The following SYT17 variants were observed in gnomAD, a reference collection of about 807,000 sequenced individuals.
The protein encoded by SYT17 is synaptotagmin 17.
A neutral mutation model predicts 46.7 loss-of-function variants in SYT17; 22 were observed. The ratio of observed to expected loss-of-function variants is 0.47; its 90% CI spans 0.34 to 0.67. The LOEUF (loss-of-function observed/expected upper bound fraction) is 0.67, where lower values mean the gene tolerates loss of function less well. Among genes scored for constraint, SYT17 ranks in the 30% least tolerant of loss-of-function variants. The probability of loss-of-function intolerance (pLI) is 0.01; values close to 1 mark genes in which losing one functional copy is unlikely to be tolerated. For missense variants in SYT17, 519 were observed against 612.8 expected (o/e 0.85, Z 1.62); for synonymous variants, 251 against 248.4 (o/e 1.01, Z -0.10).
At chr16:19,187,982 G>A (rs532151909) in intron 5 of SYT17, among the ~76,000 whole-genome samples, 1 of 152,140 alleles carries the variant, frequency 6.6e-6, no homozygotes, top group Non-Finnish European at 1.5e-5. Context: ...CTCATTACTG[G>A]GCATATACCC....
At chr16:19,249,871 C>A in intron 7 of SYT17, 2 of 1,485,666 alleles carry the variant, frequency 1.3e-6, no homozygotes, top group Non-Finnish European at 1.8e-6. Context: ...TCCATACTTT[C>A]ATCCAGGTCG....
intron 5 of SYT17, among the ~76,000 whole-genome samples, chr16:19,213,672 G>A (rs1203289107): frequency 1.3e-5 from 2 of 152,114 alleles, no homozygotes; most frequent in African/African-American, 4.8e-5. Context: ...ACCATGCTAA[G>A]CTAATTAAAA....
intron 5 of SYT17, among the ~76,000 whole-genome samples, chr16:19,185,816 G>C (rs1324361338): frequency 6.6e-6 from 1 of 152,210 alleles, no homozygotes; most frequent in African/African-American, 2.4e-5. Context: ...GGCAGGCCCA[G>C]TTGTCAGGAG....
intron 5 of SYT17, among the ~76,000 whole-genome samples, chr16:19,203,704 C>T (rs144757716): frequency 1.3e-5 from 2 of 152,342 alleles, no homozygotes; most frequent in Admixed American, 1.3e-4. Context: ...TGGCTCTGTG[C>T]CCAATGCAGC....
chr16:19,247,198 C>T (rs1046085649), intron 7 of SYT17, among the ~76,000 whole-genome samples: 21 of 152,084 alleles, frequency 1.4e-4, no homozygotes, highest in African/African-American at 2.9e-4. Context: ...TTATTACGGC[C>T]GTATGATATC....
intron 5 of SYT17, among the ~76,000 whole-genome samples, chr16:19,187,608 G>A (rs536192648): frequency 9.4e-4 from 143 of 152,268 alleles, no homozygotes; most frequent in African/African-American, 2.8e-3. Context: ...CACACAAAGA[G>A]AGGCACTGGA....
intron 5 of SYT17, among the ~76,000 whole-genome samples, chr16:19,205,684 G>A (rs1034366411): frequency 4.6e-5 from 7 of 152,178 alleles, no homozygotes; most frequent in Non-Finnish European, 8.8e-5. Context: ...GTTTCACCAT[G>A]TTGACCAGGC....
At position 19,183,533 on chromosome 16, in the gene SYT17, G is replaced by C. The variant is rs1393928113; in HGVS notation, c.337G>C (p.Glu113Gln). Reference protein sequence around the residue: ...YSLTRRISSLESRRPSSPLID... With the variant: ...YSLTRRISSLQSRRPSSPLID... Reference sequence around the variant, plus strand: ...TTATTTCTGGTGGCTCTCAGGTCTTGAGTCAAGACGTCCCAGCTCTCCACT... The same window carrying C: ...TTATTTCTGGTGGCTCTCAGGTCTTCAGTCAAGACGTCCCAGCTCTCCACT... The change falls in exon 5 of 8, where the codon GAG (glutamate) becomes CAG (glutamine). Residue 113 changes from glutamate (E) to glutamine (Q), a missense_variant. Glu to Gln is a conservative substitution (Grantham distance 29). Coordinates refer to ENST00000355377, the MANE Select transcript of SYT17 (RefSeq NM_016524.4). The surrounding 1 kb of genome is among the most constrained non-coding windows in gnomAD (Gnocchi z 5.6). 6.2e-7 allele frequency: 1 copy of C among 1,613,548 alleles called. No homozygotes were observed. Among genetic ancestry groups the C allele is most frequent in the African/African-American group, 1.3e-5 (1 of 74,910 alleles).
rs2142579635 is a variant in SYT17 at position 19,183,397 on chromosome 16, C to T, written c.332-131C>T. 3.9e-6 allele frequency: 5 copies of T among 1,288,546 alleles called. No homozygotes were observed. The highest frequency in any genetic ancestry group is 4.3e-6 in the Non-Finnish European group (4 of 934,552). The allele number at this position is 1,288,546 out of a possible 1,614,324, so 79.8% of individuals were successfully genotyped here. On this transcript the variant is annotated intron_variant, in intron 4 of 7. Transcript: ENST00000355377. The surrounding 1 kb of genome is among the most constrained non-coding windows in gnomAD (Gnocchi z 5.6). ...TCTGTCACAGAATCAGTGAGTATTT[C>T]AGAGTGTGGAGAAAGATGGCAAAGG...
At chr16:19,179,391 A>G (rs1297424894) in intron 3 of SYT17, among the ~76,000 whole-genome samples, 5 of 151,954 alleles carry the variant, frequency 3.3e-5, no homozygotes, top group Admixed American at 3.3e-4. Context: ...TAGCTTCCCA[A>G]AGTTTACATT....
chr16:19,173,082 A>G (rs922068099), intron 2 of SYT17: 2 of 562,024 alleles, frequency 3.6e-6, no homozygotes, highest in Non-Finnish European at 6.2e-6. Flanking sequence ...AGTAATATTC[A>G]TTGTGTTTCG....
chr16:19,244,525 G>A (rs527403635), intron 7 of SYT17, among the ~76,000 whole-genome samples: 1 of 151,946 alleles, frequency 6.6e-6, no homozygotes, highest in Admixed American at 6.6e-5. Flanking sequence ...GTAGAGATGG[G>A]GGTCTCACTG....
At chr16:19,195,800 A>C (rs1258648209) in intron 5 of SYT17, among the ~76,000 whole-genome samples, 1 of 152,100 alleles carries the variant, frequency 6.6e-6, no homozygotes, top group African/African-American at 2.4e-5. Context: ...CCAGAGAAAA[A>C]GAGTGAGATC....
rs773895363 is a variant in SYT17 at position 19,249,894 on chromosome 16, C to G, written c.1229-16986C>G. 2.9e-5 allele frequency: 45 copies of G among 1,527,144 alleles called. No individual in the cohort carries two copies. In the South Asian group the frequency reaches 5.0e-4, roughly 17 times the overall value. The allele number at this position is 1,527,144 out of a possible 1,614,324, so 94.6% of individuals were successfully genotyped here. A position where few individuals can be genotyped will look rare whatever the true frequency, so the allele number is the denominator to read the frequency against. ...TTCATCCAGGTCGTCTTGTCTTGCTCACTCCCTTGTCCCCAGCAGATTCAC... is the reference window on the plus strand; with the variant it reads ...TTCATCCAGGTCGTCTTGTCTTGCTGACTCCCTTGTCCCCAGCAGATTCAC... On this transcript the variant is annotated intron_variant, in intron 7 of 7. Coordinates refer to ENST00000355377, the MANE Select transcript of SYT17 (RefSeq NM_016524.4).
At chr16:19,196,005 A>G (rs946356588) in intron 5 of SYT17, among the ~76,000 whole-genome samples, 1 of 151,940 alleles carries the variant, frequency 6.6e-6, no homozygotes, top group Non-Finnish European at 1.5e-5. Flanking sequence ...ACCCACCAAA[A>G]CCAAAAAGAC....
chr16:19,245,835 C>T (rs59608113), intron 7 of SYT17, among the ~76,000 whole-genome samples: 13,105 of 152,048 alleles, frequency 0.086, 1,205 homozygotes, highest in East Asian at 0.22. Flanking sequence ...CACCTGAATG[C>T]GGTGACGTGA....
intron 1 of SYT17, chr16:19,172,501 G>A (rs1051728806): frequency 6.8e-5 from 101 of 1,486,014 alleles, no homozygotes; most frequent in African/African-American, 4.3e-4. Flanking sequence ...AAATCAAATC[G>A]AAATGCTAAA....
At chr16:19,224,990 T>C (rs1966453476) in intron 7 of SYT17, 152 bp downstream of exon 7, 1 of 850,524 alleles carries the variant, frequency 1.2e-6, no homozygotes. Context: ...ATCTATGAAC[T>C]GGGGCAGGAC....
intron 1 of SYT17, chr16:19,169,786 CTAT>C (rs1160981124): frequency 6.6e-6 from 1 of 152,256 alleles, no homozygotes; most frequent in Non-Finnish European, 1.5e-5. Flanking sequence ...TGTCCAGGGG[CTAT>C]TGAGTAGTCG....
Sources: gnomAD v4.1 joint callset for allele counts (sites outside exome capture counted in the v4.1 genomes callset) on GRCh38, gnomAD v4.1.1 for gene constraint, Gnocchi (gnomAD v3.1) non-coding constraint, MANE v1.5 for transcripts, NCBI Gene and HGNC (gene_info 2026-07-23, HGNC 2026-07-21) for gene names.